PDZRN3: variants seen among roughly 807,000 people sequenced by gnomAD.
The protein encoded by PDZRN3 is PDZ domain containing ring finger 3.
In PDZRN3, 38 loss-of-function variants were observed where a neutral mutation model predicts 85.7. That is an observed-to-expected ratio of 0.44 (90% confidence interval 0.34 to 0.58). PDZRN3 has a LOEUF of 0.58. Among genes scored for constraint, PDZRN3 ranks in the 20% least tolerant of loss-of-function variants. The pLI is 0.01. For synonymous variants in PDZRN3, 759 were observed against 638.0 expected, an observed-to-expected ratio of 1.19 and a Z score of -2.86; for missense variants, 1,629 against 1,506.4, an observed-to-expected ratio of 1.08 and a Z score of -1.35.
intron 3 of PDZRN3, among the ~76,000 whole-genome samples, chr3:73,573,058 T>C (rs550933356): frequency 1.3e-5 from 2 of 152,330 alleles, no homozygotes; most frequent in African/African-American, 2.4e-5. Context: ...AGGTTGGTTG[T>C]TGATAGTTGA....
intron 3 of PDZRN3, among the ~76,000 whole-genome samples, chr3:73,493,032 C>T (rs1175990095): frequency 3.2e-5 from 4 of 123,872 alleles, no homozygotes; most frequent in Non-Finnish European, 4.9e-5. Context: ...AGACTCTTCC[C>T]TTATGTGAAA....
intron 3 of PDZRN3, among the ~76,000 whole-genome samples, chr3:73,510,692 G>A (rs1168712261): frequency 6.6e-6 from 1 of 152,132 alleles, no homozygotes; most frequent in Non-Finnish European, 1.5e-5. Flanking sequence ...ATCCTCTAGG[G>A]ATATATTGCC....
Position 73,500,539 on chromosome 3 carries a change from T to C in PDZRN3, c.919-96144A>G, listed in dbSNP as rs533454930. Reference sequence around the variant, plus strand: ...TGCTAATCACCATGGCTCCACTCTATATAAGTGTTGTTGCCAGAATAATCC... The same window carrying C: ...TGCTAATCACCATGGCTCCACTCTACATAAGTGTTGTTGCCAGAATAATCC... On this transcript the variant is annotated intron_variant, in intron 3 of 9. Coordinates refer to ENST00000263666, the MANE Select transcript of PDZRN3 (RefSeq NM_015009.3). 6.6e-5 allele frequency among the ~76,000 whole-genome samples: 10 copies of C among 152,316 alleles called. No homozygotes were observed. In the South Asian group the frequency reaches 1.0e-3, roughly 16 times the overall value.
At chr3:73,557,950 A>C (rs1166626400) in intron 3 of PDZRN3, among the ~76,000 whole-genome samples, 2 of 152,202 alleles carry the variant, frequency 1.3e-5, no homozygotes, top group Non-Finnish European at 2.9e-5. Flanking sequence ...AAGAAAAAAC[A>C]CACCAAAATC....
rs1159182743 is a variant in PDZRN3 at position 73,592,338 on chromosome 3, C to T, written c.918+10016G>A. ...AAATAAAAAATAAACATATTTAGTT[C>T]GTTTTAATGCTGACTTGCATTTTTT... is the stretch of plus-strand genomic sequence containing the variant. On this transcript the variant is annotated intron_variant, in intron 3 of 9. Coordinates refer to ENST00000263666, the MANE Select transcript of PDZRN3 (RefSeq NM_015009.3). Among the ~76,000 whole-genome samples, 5 of 152,130 alleles carry T rather than the reference C, an allele frequency of 3.3e-5. No individual in the cohort carries two copies. The East Asian group carries it at 7.7e-4, about 24-fold the overall frequency.
At chr3:73,528,213 GC>G (rs1409335405) in intron 3 of PDZRN3, among the ~76,000 whole-genome samples, 2 of 152,192 alleles carry the variant, frequency 1.3e-5, no homozygotes, top group African/African-American at 4.8e-5. Context: ...TGAGCAGCTG[GC>G]TTTAAAAACC....
intron 3 of PDZRN3, among the ~76,000 whole-genome samples, chr3:73,441,042 CA>C (rs2106820711): frequency 1.3e-5 from 2 of 152,222 alleles, no homozygotes; most frequent in East Asian, 3.9e-4. Flanking sequence ...AAGGACAGGA[CA>C]GAAAATATTT....
intron 2 of PDZRN3, among the ~76,000 whole-genome samples, chr3:73,605,807 A>G (rs1702592155): frequency 6.6e-6 from 1 of 152,254 alleles, no homozygotes; most frequent in Admixed American, 6.5e-5. Flanking sequence ...ACACATGCAC[A>G]TGGAATTAAA....
intron 3 of PDZRN3, among the ~76,000 whole-genome samples, chr3:73,443,443 C>T (rs1347526101): frequency 1.3e-5 from 2 of 151,276 alleles, no homozygotes; most frequent in African/African-American, 4.9e-5. Context: ...TGACTTACAG[C>T]CTCTACTACT....
chr3:73,602,802 G>A lies in PDZRN3; in HGVS notation c.811-341C>T, dbSNP rs373136732. Among the ~76,000 whole-genome samples the A allele has an allele frequency of 9.9e-4, 150 of 152,276 alleles. No individual in the cohort carries two copies. The South Asian group carries it at 0.011, about 12-fold the overall frequency. ...CATTTGTTCCTTTTTGCATACAAAT[G>A]TGATTATGCTAGTCTGACTCTTATG... On this transcript the variant is annotated intron_variant, in intron 2 of 9. Coordinates refer to ENST00000263666, the MANE Select transcript of PDZRN3 (RefSeq NM_015009.3).
At chr3:73,561,364 C>G (rs1281790401) in intron 3 of PDZRN3, 1 of 152,214 alleles carries the variant, frequency 6.6e-6, no homozygotes, top group Admixed American at 6.5e-5. Flanking sequence ...CCAGGGCAAG[C>G]TGCATTTTTG....
chr3:73,507,900 C>G (rs779931953), intron 3 of PDZRN3, among the ~76,000 whole-genome samples: 1 of 152,084 alleles, frequency 6.6e-6, no homozygotes. Context: ...CCAGACCAGC[C>G]TGGCCAACAT....
chr3:73,575,792 A>T (rs1277178611), intron 3 of PDZRN3, among the ~76,000 whole-genome samples: 1 of 152,186 alleles, frequency 6.6e-6, no homozygotes, highest in Non-Finnish European at 1.5e-5. Flanking sequence ...CAAACAGGAG[A>T]CCAAATTAAC....
intron 6 of PDZRN3, among the ~76,000 whole-genome samples, chr3:73,390,172 TTAAAA>T (rs1317824696): frequency 6.6e-6 from 1 of 152,198 alleles, no homozygotes; most frequent in African/African-American, 2.4e-5. Flanking sequence ...TGCATGGTAA[TTAAAA>T]TCAAATCAAT....
chr3:73,422,019 G>T (rs1169065084), intron 3 of PDZRN3, among the ~76,000 whole-genome samples: 4 of 152,212 alleles, frequency 2.6e-5, no homozygotes, highest in African/African-American at 9.6e-5. Flanking sequence ...TGTTTCTGCA[G>T]TAGAACCACA....
At chr3:73,426,219 T>C (rs1176685094) in intron 3 of PDZRN3, among the ~76,000 whole-genome samples, 1 of 152,062 alleles carries the variant, frequency 6.6e-6, no homozygotes, top group Admixed American at 6.5e-5. Context: ...ATAATATTTA[T>C]CATGTATATA....
intron 3 of PDZRN3, among the ~76,000 whole-genome samples, chr3:73,533,340 C>G (rs1022914394): frequency 6.6e-6 from 1 of 152,076 alleles, no homozygotes; most frequent in African/African-American, 2.4e-5. Flanking sequence ...GGAGCCATTG[C>G]GAAGGACAGA....
chr3:73,407,214 T>C (rs534826777), intron 3 of PDZRN3, among the ~76,000 whole-genome samples: 1 of 152,246 alleles, frequency 6.6e-6, no homozygotes, highest in African/African-American at 2.4e-5. Flanking sequence ...AACTAGGACA[T>C]GAGATAGGAA....
chr3:73,581,709 T>C (rs947125162), intron 3 of PDZRN3, among the ~76,000 whole-genome samples: 8 of 152,112 alleles, frequency 5.3e-5, no homozygotes, highest in Non-Finnish European at 8.8e-5. Flanking sequence ...GTAAGTTATA[T>C]TTGTATCTAT....
Sources: gnomAD v4.1 joint callset for allele counts (sites outside exome capture counted in the v4.1 genomes callset) on GRCh38, gnomAD v4.1.1 for gene constraint, MANE v1.5 for transcripts, NCBI Gene and HGNC (gene_info 2026-07-23, HGNC 2026-07-21) for gene names.